The following FHIT variants were observed in gnomAD, a reference collection of about 807,000 sequenced individuals.
The protein encoded by FHIT is bis(5'-adenosyl)-triphosphatase.
A neutral mutation model predicts 17.9 loss-of-function variants in FHIT; 19 were observed. The ratio of observed to expected loss-of-function variants is 1.06; its 90% CI spans 0.74 to 1.56. The LOEUF is 1.56. Ranked by LOEUF, FHIT falls within the 40% of genes most tolerant of loss-of-function variation. The pLI, the probability that FHIT is intolerant of heterozygous loss-of-function variation, is 0.00. For synonymous variants in FHIT, 81 were observed against 69.7 expected (o/e 1.16, Z -0.81); for missense variants, 248 against 189.2 (o/e 1.31, Z -1.82).
At chr3:59,918,480 T>C (rs1001162178) in intron 8 of FHIT, among the ~76,000 whole-genome samples, 1 of 150,826 alleles carries the variant, frequency 6.6e-6, no homozygotes, top group Non-Finnish European at 1.5e-5. Context: ...GAGGAGGTTC[T>C]GCACATGTAT....
chr3:60,937,920 C>A (rs1708260686), intron 3 of FHIT, among the ~76,000 whole-genome samples: 1 of 151,992 alleles, frequency 6.6e-6, no homozygotes, highest in South Asian at 2.1e-4. Flanking sequence ...GGGGGATATC[C>A]CACAGTCTCA....
chr3:60,428,120 T>G (rs2594251), intron 5 of FHIT, among the ~76,000 whole-genome samples: 146,017 of 152,160 alleles, frequency 0.96, 70,340 homozygotes, highest in East Asian at 1. Flanking sequence ...TCTTCCAAAG[T>G]TAATGAAATT....
Position 59,992,580 on chromosome 3 carries a change from C to T in FHIT, c.279+18791G>A, listed in dbSNP as rs531319451. On this transcript the variant is annotated intron_variant, in intron 7 of 9. Coordinates refer to ENST00000492590, the MANE Select transcript of FHIT (RefSeq NM_002012.4). Reference sequence around the variant, plus strand: ...AACAGCTGATGATCAAAACATAAGGCAAAAACTAGTATTTCATCTTTGAAT... The same window carrying T: ...AACAGCTGATGATCAAAACATAAGGTAAAAACTAGTATTTCATCTTTGAAT... Among the ~76,000 whole-genome samples the T allele has an allele frequency of 7.9e-5, 12 of 152,186 alleles. No individual in the cohort carries two copies. The East Asian group carries it at 2.1e-3, about 27-fold the overall frequency.
At chr3:60,136,222 G>A (rs1047001658) in intron 5 of FHIT, among the ~76,000 whole-genome samples, 1 of 152,150 alleles carries the variant, frequency 6.6e-6, no homozygotes, top group African/African-American at 2.4e-5. Flanking sequence ...GAGAGGAGAA[G>A]AGGGAGGCAT....
At chr3:60,019,904 C>G (rs748277607) in intron 5 of FHIT, among the ~76,000 whole-genome samples, 1 of 152,230 alleles carries the variant, frequency 6.6e-6, no homozygotes, top group African/African-American at 2.4e-5. Flanking sequence ...CATTGCACAT[C>G]TGCCACTATT....
chr3:60,264,030 T>C (rs1351235420), intron 5 of FHIT, among the ~76,000 whole-genome samples: 1 of 151,944 alleles, frequency 6.6e-6, no homozygotes, highest in Non-Finnish European at 1.5e-5. Flanking sequence ...TGTTATGTCC[T>C]GAGGTGGTTA....
chr3:59,930,192 C>A (rs1041022458), intron 7 of FHIT, among the ~76,000 whole-genome samples: 4 of 152,160 alleles, frequency 2.6e-5, no homozygotes, highest in Non-Finnish European at 4.4e-5. Context: ...AATACTCCAG[C>A]ACTTCTGCCT....
intron 3 of FHIT, among the ~76,000 whole-genome samples, chr3:60,939,682 AAATT>A (rs1202448521): frequency 6.6e-6 from 1 of 152,160 alleles, no homozygotes; most frequent in East Asian, 1.9e-4. Flanking sequence ...TTTACTACAG[AAATT>A]ATTATAACCG....
At chr3:60,572,243 C>T (rs1171237270) in intron 4 of FHIT, among the ~76,000 whole-genome samples, 1 of 150,552 alleles carries the variant, frequency 6.6e-6, no homozygotes, top group Non-Finnish European at 1.5e-5. Flanking sequence ...TCTGTGCATG[C>T]ATATACACAC....
intron 5 of FHIT, among the ~76,000 whole-genome samples, chr3:60,523,548 A>T (rs902604994): frequency 6.6e-6 from 1 of 152,224 alleles, no homozygotes; most frequent in Non-Finnish European, 1.5e-5. Context: ...ACCTGTATGC[A>T]TGGGAAGCCA....
intron 5 of FHIT, among the ~76,000 whole-genome samples, chr3:60,217,516 T>G (rs182775987): frequency 6.6e-6 from 1 of 152,336 alleles, no homozygotes; most frequent in East Asian, 1.9e-4. Context: ...GATATTTTAT[T>G]GAAGTGCAAA....
chr3:60,827,531 G>A (rs1307661720), intron 3 of FHIT, among the ~76,000 whole-genome samples: 1 of 152,164 alleles, frequency 6.6e-6, no homozygotes, highest in Non-Finnish European at 1.5e-5. Flanking sequence ...TTTGAGTGTT[G>A]ATAAACATGA....
chr3:60,484,072 T>C (rs2033732254), intron 5 of FHIT, among the ~76,000 whole-genome samples: 2 of 152,018 alleles, frequency 1.3e-5, no homozygotes, highest in Admixed American at 6.6e-5. Flanking sequence ...TGAACTCCCA[T>C]TCACAATTGC....
chr3:60,372,550 T>C (rs1050959267), intron 5 of FHIT, among the ~76,000 whole-genome samples: 1 of 152,204 alleles, frequency 6.6e-6, no homozygotes, highest in Admixed American at 6.5e-5. Context: ...TTTTAAATTA[T>C]TGGTCCAAGA....
rs538335824 is a variant in FHIT, at chr3:59,826,829, A to G, written c.349-74508T>C. On this transcript the variant is annotated intron_variant, in intron 8 of 9. Coordinates refer to ENST00000492590, the MANE Select transcript of FHIT (RefSeq NM_002012.4). ...TATGGCTCCAGTAAGGCTTTGCTTG[A>G]TAATTACTGCAAGTCTTAGAATAAA... Among the ~76,000 whole-genome samples, 7 of 152,380 alleles carry G rather than the reference A, an allele frequency of 4.6e-5. No individual in the cohort carries two copies. In the South Asian group the frequency reaches 1.4e-3, roughly 32 times the overall value.
chr3:60,423,017 A>G (rs1340404293), intron 5 of FHIT, among the ~76,000 whole-genome samples: 1 of 152,160 alleles, frequency 6.6e-6, no homozygotes, highest in African/African-American at 2.4e-5. Flanking sequence ...CTTTAATACT[A>G]AAAAGAAATA....
At chr3:60,798,819 A>G (rs1701083448) in intron 4 of FHIT, among the ~76,000 whole-genome samples, 2 of 130,350 alleles carry the variant, frequency 1.5e-5, no homozygotes, top group Admixed American at 9.4e-5. Flanking sequence ...GTGCAGTGGC[A>G]TGTTCTTGGC....
intron 4 of FHIT, among the ~76,000 whole-genome samples, chr3:60,680,650 A>G (rs782463276): frequency 5.3e-5 from 8 of 151,990 alleles, no homozygotes; most frequent in Non-Finnish European, 1.0e-4. Flanking sequence ...AAATATAGGA[A>G]AATCATCAAG....
At chr3:60,650,317 T>C (rs2039961656) in intron 4 of FHIT, among the ~76,000 whole-genome samples, 1 of 152,222 alleles carries the variant, frequency 6.6e-6, no homozygotes, top group Non-Finnish European at 1.5e-5. Context: ...TTTGCAATGT[T>C]GGAGTAAGAG....
Sources: allele counts gnomAD v4.1 joint callset (sites outside exome capture counted in the v4.1 genomes callset), GRCh38; gene constraint gnomAD v4.1.1; transcripts MANE v1.5; gene names NCBI Gene and HGNC (gene_info 2026-07-23, HGNC 2026-07-21).